The following MEGF9 variants were observed in gnomAD, a reference collection of about 807,000 sequenced individuals.
The protein encoded by MEGF9 is multiple EGF like domains 9.
MEGF9 carries 6 observed loss-of-function variants against 46.8 expected under a neutral mutation model. The observed-to-expected ratio is 0.13, with a 90% CI of 0.07 to 0.25. MEGF9 has a LOEUF of 0.25. MEGF9 is among the 10% of genes least tolerant of loss of function. The pLI is 1.00. For synonymous variants in MEGF9, 302 were observed against 330.7 expected (o/e 0.91, Z 0.94); for missense variants, 683 against 792.4 (o/e 0.86, Z 1.66).
chr9:120,610,432 T>A (rs558610335), intron 4 of MEGF9, among the ~76,000 whole-genome samples: 1 of 152,330 alleles, frequency 6.6e-6, no homozygotes, highest in Non-Finnish European at 1.5e-5. Flanking sequence ...GATGTTTCAC[T>A]CCTTCTGCCT....
chr9:120,620,267 G>A (rs147251513), intron 3 of MEGF9, among the ~76,000 whole-genome samples: 2 of 152,212 alleles, frequency 1.3e-5, no homozygotes, highest in East Asian at 3.9e-4. Flanking sequence ...AAAGATCTAG[G>A]GAGTAATTTT....
chr9:120,654,082 A>C (rs1225017065), intron 2 of MEGF9, among the ~76,000 whole-genome samples: 1 of 152,176 alleles, frequency 6.6e-6, no homozygotes, highest in Admixed American at 6.5e-5. Context: ...AGAGTAAGAG[A>C]GATATCTATT....
rs115528541 is a variant in MEGF9, at chr9:120,646,016, C to G, written c.803+13358G>C. 3.5e-3 allele frequency among the ~76,000 whole-genome samples: 529 copies of G among 152,252 alleles called. 6 individuals are homozygous for G. The highest frequency in any genetic ancestry group is 0.012 in the African/African-American group (506 of 41,546). On this transcript the variant is annotated intron_variant, in intron 2 of 5. Coordinates refer to ENST00000373930, the MANE Select transcript of MEGF9 (RefSeq NM_001080497.3). ...GAGAGGGTGTGGGCCTGAGAAGGAA[C>G]TTTGTGCCTAAGCATTTCCATAAGT... is the stretch of plus-strand genomic sequence containing the variant.
chr9:120,652,599 C>T (rs2043658601), intron 2 of MEGF9, among the ~76,000 whole-genome samples: 1 of 151,134 alleles, frequency 6.6e-6, no homozygotes, highest in African/African-American at 2.4e-5. Context: ...GGCACACACA[C>T]ACACACACAC....
At chr9:120,659,810 T>TGA (rs991210538) in intron 1 of MEGF9, among the ~76,000 whole-genome samples, 3 of 151,442 alleles carry the variant, frequency 2.0e-5, no homozygotes, top group African/African-American at 7.3e-5. Flanking sequence ...TGTGTGTGTG[T>TGA]GTGTGTGTGT....
intron 3 of MEGF9, among the ~76,000 whole-genome samples, chr9:120,621,779 T>C (rs1218173157): frequency 2.0e-5 from 3 of 152,128 alleles, no homozygotes; most frequent in Non-Finnish European, 4.4e-5. Flanking sequence ...CTTTCATCTG[T>C]TAGGCAGATA....
chr9:120,615,296 TGTACACACACACACACATGCACACAC>T, intron 3 of MEGF9, among the ~76,000 whole-genome samples: 1 of 147,396 alleles, frequency 6.8e-6, no homozygotes, highest in African/African-American at 2.5e-5. Flanking sequence ...TGCATGTGTG[TGTACACACACACACACATGCACACAC>T]ACACACTTGT....
intron 3 of MEGF9, among the ~76,000 whole-genome samples, chr9:120,614,904 C>T (rs1335597876): frequency 2.6e-5 from 4 of 151,894 alleles, no homozygotes; most frequent in Non-Finnish European, 2.9e-5. Context: ...GGTCATGTTG[C>T]TACCCTTTAT....
At position 120,683,335 on chromosome 9, in the gene MEGF9, C is replaced by T. The variant is rs573749400; in HGVS notation, c.602-23760G>A. 8.9e-5 allele frequency among the ~76,000 whole-genome samples: 13 copies of T among 145,376 alleles called. No individual in the cohort carries two copies. The East Asian group carries it at 2.3e-3, about 26-fold the overall frequency. On this transcript the variant is annotated intron_variant, in intron 1 of 5. Coordinates refer to ENST00000373930, the MANE Select transcript of MEGF9 (RefSeq NM_001080497.3). Reference sequence around the variant, plus strand: ...AGCCAAAGGGAACGAAATGGTTTGGCTGTGAACCCACCCAAATCTCATCTC... The same window carrying T: ...AGCCAAAGGGAACGAAATGGTTTGGTTGTGAACCCACCCAAATCTCATCTC...
At chr9:120,703,777 A>C (rs2043915614) in intron 1 of MEGF9, among the ~76,000 whole-genome samples, 1 of 151,984 alleles carries the variant, frequency 6.6e-6, no homozygotes, top group African/African-American at 2.4e-5. Flanking sequence ...GGTTGAGACC[A>C]GCCTAACCAA....
chr9:120,691,654 G>T (rs920865955), intron 1 of MEGF9, among the ~76,000 whole-genome samples: 14 of 152,144 alleles, frequency 9.2e-5, no homozygotes, highest in African/African-American at 3.4e-4. Context: ...CTTTCCCTGT[G>T]CTTTCACTGT....
intron 2 of MEGF9, among the ~76,000 whole-genome samples, chr9:120,623,461 C>A (rs529510026): frequency 6.1e-4 from 93 of 152,266 alleles, no homozygotes; most frequent in Non-Finnish European, 7.5e-4. Context: ...GAAGCTGCAG[C>A]CTAACAAAGT....
chr9:120,657,187 A>G (rs553360873), intron 2 of MEGF9, among the ~76,000 whole-genome samples: 38 of 152,366 alleles, frequency 2.5e-4, no homozygotes, highest in African/African-American at 8.4e-4. Flanking sequence ...AAAACTTTAC[A>G]AAAACAGGCA....
At position 120,605,909 on chromosome 9, in the gene MEGF9, C is replaced by T. The variant is rs954260228; in HGVS notation, c.1358-268G>A. On this transcript the variant is annotated intron_variant, in intron 5 of 5. Coordinates refer to ENST00000373930, the MANE Select transcript of MEGF9 (RefSeq NM_001080497.3). This position sits in a 1 kb window ranked among gnomAD's most constrained non-coding sequence, Gnocchi z 4.0. ...AATCTTTGGGCCGGGCGTGGTGGCT[C>T]ACACCTGTAATCCCAGCACTTTGGG... Among the ~76,000 whole-genome samples the T allele has an allele frequency of 1.3e-5, 2 of 152,012 alleles. No individual in the cohort carries two copies. The highest frequency in any genetic ancestry group is 4.8e-5 in the African/African-American group (2 of 41,378).
chr9:120,604,160 T>C lies in MEGF9; in HGVS notation c.*1030A>G, dbSNP rs919204582. 6.6e-6 allele frequency: 1 copy of C among 152,652 alleles called. No homozygotes were observed. Among genetic ancestry groups the C allele is most frequent in the Non-Finnish European group, 1.5e-5 (1 of 68,032 alleles). The allele number at this position is 152,652 out of a possible 1,614,324, so 9.5% of individuals were successfully genotyped here. A position where few individuals can be genotyped will look rare whatever the true frequency, so the allele number is the denominator to read the frequency against. On this transcript the variant is annotated 3_prime_UTR_variant, in exon 6 of 6. Transcript: ENST00000373930. ...ACTTCAAAATCTATTGCTTGAATCA[T>C]AGTAAGTCAAAGAGCATATAACTCT...
At chr9:120,699,700 G>A (rs969508540) in intron 1 of MEGF9, among the ~76,000 whole-genome samples, 2 of 147,782 alleles carry the variant, frequency 1.4e-5, no homozygotes, top group African/African-American at 2.5e-5. Flanking sequence ...TCTAACCCGG[G>A]TGAAAGAGTG....
At position 120,713,761 on chromosome 9, in the gene MEGF9, G is replaced by C; in HGVS notation, c.598C>G (p.Pro200Ala). ...CGAGAGGGAGCGCCGGACTCACCTG[G>C]AGGAGGCGAAGAGGGGGCCTCGGTG... is the stretch of plus-strand genomic sequence containing the variant. Reference protein sequence around the residue: ...PATEAPSSPPPEYVCNCSVVG... With the variant: ...PATEAPSSPPAEYVCNCSVVG... The change falls in exon 1 of 6, where the codon CCA becomes GCA. Residue 200 changes from proline to alanine, a missense_variant. Physicochemically the swap from Pro to Ala is conservative, Grantham distance 27. Around this residue, in one of 2 missense-constraint regions of MEGF9, gnomAD observed 370 missense variants for 371.3 expected, o/e 1.00. Coordinates refer to ENST00000373930, the MANE Select transcript of MEGF9 (RefSeq NM_001080497.3). The C allele has an allele frequency of 7.7e-7, 1 of 1,291,786 alleles. No homozygotes were observed. Among genetic ancestry groups the C allele is most frequent in the East Asian group, 2.8e-5 (1 of 35,426 alleles). The allele number at this position is 1,291,786 out of a possible 1,614,324, so 80.0% of individuals were successfully genotyped here.
intron 1 of MEGF9, among the ~76,000 whole-genome samples, chr9:120,689,149 A>G (rs1288275641): frequency 6.6e-6 from 1 of 152,236 alleles, no homozygotes; most frequent in African/African-American, 2.4e-5. Flanking sequence ...ACATTATGGT[A>G]CATGTGTTTG....
At chr9:120,700,096 G>C (rs956549865) in intron 1 of MEGF9, among the ~76,000 whole-genome samples, 5 of 152,158 alleles carry the variant, frequency 3.3e-5, no homozygotes, top group Admixed American at 6.5e-5. Context: ...TTATGTCTGA[G>C]AAAGCCCAAA....
Sources: gnomAD v4.1 joint callset for allele counts (sites outside exome capture counted in the v4.1 genomes callset) on GRCh38, gnomAD v4.1.1 for gene constraint, gnomAD v4.1.1 regional missense constraint, Gnocchi (gnomAD v3.1) non-coding constraint, MANE v1.5 for transcripts, NCBI Gene and HGNC (gene_info 2026-07-23, HGNC 2026-07-21) for gene names.